Variants in FRYL observed in about 807,000 individuals in gnomAD.
FRYL encodes the protein FRY like transcription coactivator.
In FRYL, 150 loss-of-function variants were observed where a neutral mutation model predicts 351.2. The observed-to-expected ratio is 0.43, with a 90% CI of 0.37 to 0.49. FRYL has a LOEUF of 0.49. FRYL is among the 20% of genes least tolerant of loss of function. FRYL has a pLI of 0.00. For missense variants in FRYL, 3,036 were observed against 3,619.3 expected (o/e 0.84, Z 4.13); for synonymous variants, 1,153 against 1,257.1 (o/e 0.92, Z 1.75).
At chr4:48,504,118 A>AGTGT (rs138891510) in intron 60 of FRYL, among the ~76,000 whole-genome samples, 9 of 151,568 alleles carry the variant, frequency 5.9e-5, no homozygotes, top group African/African-American at 2.2e-4. Flanking sequence ...TTTGTGGATG[A>AGTGT]GTGTGTGTGT....
chr4:48,634,199 C>G, intron 4 of FRYL, 92 bp downstream of exon 4: 1 of 924,376 alleles, frequency 1.1e-6, no homozygotes, highest in African/African-American at 1.7e-5. Flanking sequence ...ATATTTTTTT[C>G]AAGTATATTA....
intron 1 of FRYL, among the ~76,000 whole-genome samples, chr4:48,731,378 C>A (rs1486945389): frequency 6.6e-6 from 1 of 152,148 alleles, no homozygotes; most frequent in Non-Finnish European, 1.5e-5. Context: ...TTTATAGATT[C>A]CATGCTATCC....
At chr4:48,526,874 G>A (rs566351397) in intron 53 of FRYL, among the ~76,000 whole-genome samples, 1 of 152,290 alleles carries the variant, frequency 6.6e-6, no homozygotes, top group South Asian at 2.1e-4. Context: ...AGGCATTTGA[G>A]AGAGTTACCT....
At chr4:48,506,613 C>CTT (rs1560503731) in intron 59 of FRYL, 1 of 64,670 alleles carries the variant, frequency 1.5e-5, no homozygotes, top group South Asian at 6.1e-4. Flanking sequence ...AACAATACAA[C>CTT]TAATATATAT....
chr4:48,611,825 T>C (rs1748269078), intron 7 of FRYL, among the ~76,000 whole-genome samples: 1 of 152,128 alleles, frequency 6.6e-6, no homozygotes, highest in Admixed American at 6.6e-5. Context: ...TCACTAATCA[T>C]AAGGAGAATG....
intron 1 of FRYL, among the ~76,000 whole-genome samples, chr4:48,714,891 G>A (rs772187522): frequency 0.014 from 2,124 of 147,782 alleles, 25 homozygotes; most frequent in Middle Eastern, 0.021. Flanking sequence ...CTGGCAAACC[G>A]AATCCAGCAG....
In FRYL at chr4:48,498,742, C is replaced by G. The variant is rs551432254; in HGVS notation, c.*680G>C. On this transcript the variant is annotated 3_prime_UTR_variant, in exon 64 of 64. Transcript: ENST00000358350. ...TTTCTTCAAAAATAATCTTGCAGTG[C>G]TCTTTTAGGCATGCTCTGAGACGTT... 2 of 152,572 alleles carry G rather than the reference C, an allele frequency of 1.3e-5. No individual in the cohort carries two copies. The highest frequency in any genetic ancestry group is 4.8e-5 in the African/African-American group (2 of 41,554). The allele number at this position is 152,572 out of a possible 1,614,324, so 9.5% of individuals were successfully genotyped here. A position where few individuals can be genotyped will look rare whatever the true frequency, so the allele number is the denominator to read the frequency against.
rs1356908200 is a variant in FRYL, at chr4:48,567,425, A to G, written c.2997-5T>C. The G allele has an allele frequency of 6.3e-7, 1 of 1,584,220 alleles. No individual in the cohort carries two copies. The highest frequency in any genetic ancestry group is 8.5e-7 in the Non-Finnish European group (1 of 1,169,604). The stretch of plus-strand genomic sequence containing the variant: ...TTATCAAGGCCACCACTTGCACTGA[A>G]AATATTGAAGAAAACAAAAGATGAA... On this transcript the variant is annotated splice_region_variant and splice_polypyrimidine_tract_variant and intron_variant, in intron 27 of 63. Transcript: ENST00000358350. This position sits in a 1 kb window ranked among gnomAD's most constrained non-coding sequence, Gnocchi z 4.2.
At chr4:48,752,676 TAAAG>T (rs758738120) in intron 1 of FRYL, among the ~76,000 whole-genome samples, 3 of 152,092 alleles carry the variant, frequency 2.0e-5, no homozygotes, top group Non-Finnish European at 2.9e-5. Flanking sequence ...TAGGCAAAGA[TAAAG>T]AAAAAAGCAA....
intron 28 of FRYL, among the ~76,000 whole-genome samples, chr4:48,566,686 CACTT>C (rs1203088670): frequency 6.6e-6 from 1 of 152,112 alleles, no homozygotes; most frequent in African/African-American, 2.4e-5. Context: ...GAAAAAGAAA[CACTT>C]ATAGTGTATG....
chr4:48,557,351 G>C, intron 34 of FRYL, 102 bp downstream of exon 34: 2 of 1,428,820 alleles, frequency 1.4e-6, no homozygotes, highest in Non-Finnish European at 1.9e-6. Flanking sequence ...AAAGATATTT[G>C]TTTGGTTATC....
rs1773554820 is a variant in FRYL, at chr4:48,754,370, G to T, written c.-384+25708C>A. Among the ~76,000 whole-genome samples the T allele has an allele frequency of 2.0e-5, 3 of 152,038 alleles. 1 individual carries two copies. In the South Asian group the frequency reaches 6.2e-4, roughly 31 times the overall value. On this transcript the variant is annotated intron_variant, in intron 1 of 63. Coordinates refer to ENST00000358350, the MANE Select transcript of FRYL (RefSeq NM_015030.2). ...CATTGCATGGACATACCATATTTCG[G>T]TTATTCATTCATCAGCTGATGGACA...
At chr4:48,627,556 G>C (rs1047344078) in intron 4 of FRYL, among the ~76,000 whole-genome samples, 1 of 152,020 alleles carries the variant, frequency 6.6e-6, no homozygotes, top group Non-Finnish European at 1.5e-5. Context: ...GGAAAATGGG[G>C]GTGGGTTGTT....
chr4:48,728,273 A>G (rs1018559456), intron 1 of FRYL, among the ~76,000 whole-genome samples: 3 of 152,178 alleles, frequency 2.0e-5, no homozygotes, highest in African/African-American at 7.2e-5. Context: ...AGCAAAAAAT[A>G]TATATATCTG....
chr4:48,752,041 G>C (rs1015732845), intron 1 of FRYL, among the ~76,000 whole-genome samples: 6 of 152,132 alleles, frequency 3.9e-5, no homozygotes, highest in African/African-American at 9.7e-5. Flanking sequence ...TAAGATGAGA[G>C]ATCTGATGCG....
At chr4:48,537,904 G>A (rs1191958472) in intron 47 of FRYL, among the ~76,000 whole-genome samples, 1 of 152,016 alleles carries the variant, frequency 6.6e-6, no homozygotes, top group Non-Finnish European at 1.5e-5. Flanking sequence ...GGGGATTTAT[G>A]CCTTTTATTT....
chr4:48,683,661 G>C (rs1169783895), intron 3 of FRYL, among the ~76,000 whole-genome samples: 1 of 152,026 alleles, frequency 6.6e-6, no homozygotes, highest in Non-Finnish European at 1.5e-5. Context: ...TCAAGTAAAA[G>C]ACATAAATTT....
rs576846038 is a variant in FRYL at position 48,588,058 on chromosome 4, T to C, written c.1641-1330A>G. On this transcript the variant is annotated intron_variant, in intron 18 of 63. Transcript: ENST00000358350. ...TCGCTCTTTGGTCCATAAAGCACCA[T>C]GCACATCATAATCACTGTCATTTTC... Among the ~76,000 whole-genome samples the C allele has an allele frequency of 5.9e-5, 9 of 152,374 alleles. No homozygotes were observed. In the South Asian group the frequency reaches 1.9e-3, roughly 32 times the overall value.
chr4:48,596,508 T>C (rs1054165053), intron 13 of FRYL, among the ~76,000 whole-genome samples: 3 of 152,042 alleles, frequency 2.0e-5, no homozygotes, highest in African/African-American at 7.2e-5. Flanking sequence ...ACTCTAAAAC[T>C]GGGAAAAACA....
Sources: allele counts gnomAD v4.1 joint callset (sites outside exome capture counted in the v4.1 genomes callset), GRCh38; gene constraint gnomAD v4.1.1; non-coding constraint Gnocchi (gnomAD v3.1); transcripts MANE v1.5; gene names NCBI Gene and HGNC (gene_info 2026-07-23, HGNC 2026-07-21).